The following TENM4 variants were observed in gnomAD, a reference collection of about 807,000 sequenced individuals.
The protein encoded by TENM4 is teneurin transmembrane protein 4.
A neutral mutation model predicts 243.3 loss-of-function variants in TENM4; 82 were observed. That is an observed-to-expected ratio of 0.34 (90% CI 0.28 to 0.40). TENM4 has a LOEUF of 0.40. Among genes scored for constraint, TENM4 ranks in the 10% least tolerant of loss-of-function variants. TENM4 has a pLI of 1.00. For missense variants in TENM4, 3,138 were observed against 3,673.3 expected (o/e 0.85, Z 3.77); for synonymous variants, 1,412 against 1,456.3 (o/e 0.97, Z 0.69).
At chr11:79,050,525 T>C (rs1220216868) in intron 6 of TENM4, among the ~76,000 whole-genome samples, 1 of 152,210 alleles carries the variant, frequency 6.6e-6, no homozygotes, top group Non-Finnish European at 1.5e-5. Context: ...CATAGCCCAC[T>C]TCACACCCAT....
chr11:78,662,653 A>G (rs4945307), intron 32 of TENM4, among the ~76,000 whole-genome samples: 15,165 of 152,220 alleles, frequency 0.1, 1,938 homozygotes, highest in African/African-American at 0.29. Context: ...TGGAATCAGG[A>G]AGCCAAGACA....
chr11:78,939,294 G>T (rs549837942), intron 6 of TENM4, among the ~76,000 whole-genome samples: 1 of 152,344 alleles, frequency 6.6e-6, no homozygotes, highest in Non-Finnish European at 1.5e-5. Context: ...AGCTGACCAT[G>T]TCAGAGCTCC....
chr11:79,400,146 C>G (rs1484191489), intron 1 of TENM4, among the ~76,000 whole-genome samples: 1 of 142,994 alleles, frequency 7.0e-6, no homozygotes, highest in South Asian at 2.2e-4. Context: ...CACACACACA[C>G]CCTCCAGGAT....
chr11:78,982,143 A>G (rs1056221228), intron 6 of TENM4, among the ~76,000 whole-genome samples: 1 of 152,156 alleles, frequency 6.6e-6, no homozygotes, highest in Non-Finnish European at 1.5e-5. Context: ...TGGCATCCTC[A>G]GTCTCCCTCC....
intron 10 of TENM4, among the ~76,000 whole-genome samples, chr11:78,857,409 T>G (rs1370954033): frequency 6.6e-6 from 1 of 152,200 alleles, no homozygotes; most frequent in African/African-American, 2.4e-5. Flanking sequence ...TTTGTAAGAC[T>G]CCTTACAAAG....
chr11:79,149,042 T>C (rs1039593626), intron 3 of TENM4, among the ~76,000 whole-genome samples: 8 of 152,158 alleles, frequency 5.3e-5, no homozygotes, highest in Non-Finnish European at 2.9e-5. Context: ...GCTCATTAAG[T>C]AGTTGATGGA....
chr11:78,717,834 T>C (rs1252725874), intron 25 of TENM4, among the ~76,000 whole-genome samples: 4 of 152,224 alleles, frequency 2.6e-5, no homozygotes, highest in Non-Finnish European at 5.9e-5. Flanking sequence ...GGAGTTCAAA[T>C]GTACTTCTGA....
intron 16 of TENM4, among the ~76,000 whole-genome samples, chr11:78,784,049 C>T (rs777309555): frequency 2.0e-4 from 31 of 152,090 alleles, no homozygotes; most frequent in Admixed American, 2.0e-3. Context: ...CTAGAGGTCT[C>T]GAAATCAGTG....
chr11:79,124,877 A>G (rs1861835381), intron 4 of TENM4, among the ~76,000 whole-genome samples: 1 of 114,820 alleles, frequency 8.7e-6, no homozygotes, highest in African/African-American at 3.2e-5. Flanking sequence ...ATGTATGTGT[A>G]TATATGTATA....
At chr11:79,143,396 A>G (rs936164175) in intron 4 of TENM4, among the ~76,000 whole-genome samples, 3 of 152,060 alleles carry the variant, frequency 2.0e-5, no homozygotes, top group African/African-American at 4.8e-5. Flanking sequence ...TGAAGCTGGA[A>G]ACCATCATTC....
chr11:78,746,518 T>C (rs1205150101), intron 19 of TENM4, among the ~76,000 whole-genome samples: 5 of 152,210 alleles, frequency 3.3e-5, no homozygotes, highest in African/African-American at 7.2e-5. Flanking sequence ...TCCTCTCCCA[T>C]AGGAATCTTC....
chr11:78,738,312 T>C (rs1332378802), intron 20 of TENM4, 139 bp downstream of exon 20: 4 of 1,162,796 alleles, frequency 3.4e-6, no homozygotes, highest in Non-Finnish European at 2.4e-6. Flanking sequence ...ATTAGTAAGT[T>C]GCAGAGCTGG....
chr11:79,145,604 T>C (rs1041738094), intron 4 of TENM4, among the ~76,000 whole-genome samples: 1 of 152,146 alleles, frequency 6.6e-6, no homozygotes, highest in Admixed American at 6.6e-5. Context: ...CCAGGGCTGA[T>C]GGCCATGTGT....
At chr11:78,828,863 T>C (rs1452785410) in intron 12 of TENM4, among the ~76,000 whole-genome samples, 1 of 152,260 alleles carries the variant, frequency 6.6e-6, no homozygotes, top group Non-Finnish European at 1.5e-5. Flanking sequence ...AGCAGGACTT[T>C]AAGCCACCAC....
chr11:78,861,897 A>T (rs1858829379), intron 10 of TENM4, among the ~76,000 whole-genome samples: 1 of 152,196 alleles, frequency 6.6e-6, no homozygotes, highest in Non-Finnish European at 1.5e-5. Flanking sequence ...AGGAGAAGGG[A>T]ACGCCACACT....
chr11:78,818,440 G>C (rs1857655505), intron 12 of TENM4, among the ~76,000 whole-genome samples: 1 of 152,224 alleles, frequency 6.6e-6, no homozygotes, highest in Non-Finnish European at 1.5e-5. Context: ...TACAAAACTT[G>C]CCCCAGGCTA....
Position 78,670,279 on chromosome 11 carries a change from C to A in TENM4, c.6066G>T (p.Glu2022Asp), listed in dbSNP as rs1371389628. 1 of 1,613,980 alleles carries A rather than the reference C, an allele frequency of 6.2e-7. No individual in the cohort carries two copies. Among genetic ancestry groups the A allele is most frequent in the South Asian group, 1.1e-5 (1 of 91,074 alleles). ...TGACCTTGGTGGTGTCATAGAGCGT[C>A]TCTGCCAGCTTTGACAGTTTGCCAT... ...YKYGKLSKLA[E>D]TLYDTTKVSF... is the part of the protein sequence containing the mutation. Residue 2022 changes from glutamate to aspartate, a missense_variant, in exon 32 of 34, where the codon GAG becomes GAT. Glu to Asp is a conservative substitution (Grantham distance 45). Coordinates refer to ENST00000278550, the MANE Select transcript of TENM4 (RefSeq NM_001098816.3).
intron 16 of TENM4, among the ~76,000 whole-genome samples, chr11:78,786,006 C>T (rs531623147): frequency 3.3e-5 from 5 of 152,032 alleles, no homozygotes; most frequent in East Asian, 1.9e-4. Context: ...AAAACAAAAA[C>T]GGAAGGGGAA....
intron 2 of TENM4, among the ~76,000 whole-genome samples, chr11:79,228,262 G>T (rs1253766407): frequency 6.6e-6 from 1 of 152,170 alleles, no homozygotes; most frequent in African/African-American, 2.4e-5. Flanking sequence ...CAGAACAGGG[G>T]ACTCTGGAAT....
Sources: gnomAD v4.1 joint callset for allele counts (sites outside exome capture counted in the v4.1 genomes callset) on GRCh38, gnomAD v4.1.1 for gene constraint, MANE v1.5 for transcripts, NCBI Gene and HGNC (gene_info 2026-07-23, HGNC 2026-07-21) for gene names.